The following NCOA1 variants were observed in gnomAD, a reference collection of about 807,000 sequenced individuals.
The protein encoded by NCOA1 is Hin-2 protein.
NCOA1 carries 35 observed loss-of-function variants against 150.9 expected under a neutral mutation model. That is an observed-to-expected ratio of 0.23 (90% CI 0.18 to 0.31). NCOA1 has a LOEUF of 0.31. Ranked by LOEUF, NCOA1 falls within the 10% of genes least tolerant of loss-of-function variation. NCOA1 has a pLI of 1.00. For synonymous variants in NCOA1, 590 were observed against 630.0 expected (o/e 0.94, Z 0.95); for missense variants, 1,491 against 1,749.3 (o/e 0.85, Z 2.63).
intron 7 of NCOA1, among the ~76,000 whole-genome samples, chr2:24,680,904 G>A (rs56284638): frequency 0.019 from 2,847 of 152,106 alleles, 93 homozygotes; most frequent in African/African-American, 0.065. Context: ...TAAGGTAGAG[G>A]CAAATGGAAA....
At chr2:24,576,170 G>GTTTTTGTTTTTTTTTTTTTTTTT (rs1666967476) in intron 2 of NCOA1, among the ~76,000 whole-genome samples, 16 of 46,314 alleles carry the variant, frequency 3.5e-4, no homozygotes, top group African/African-American at 1.0e-3. Flanking sequence ...TTTGTTTTTT[G>GTTTTTGTTTTTTTTTTTTTTTTT]TTTTTTTTTT....
chr2:24,546,726 G>C (rs995029986), intron 1 of NCOA1, among the ~76,000 whole-genome samples: 25 of 152,310 alleles, frequency 1.6e-4, no homozygotes, highest in Middle Eastern at 3.4e-3. Flanking sequence ...GCTCAGATAG[G>C]GGATTCTTCT....
At chr2:24,493,406 T>A (rs957122891) in intron 1 of NCOA1, among the ~76,000 whole-genome samples, 10 of 152,212 alleles carry the variant, frequency 6.6e-5, no homozygotes, top group Admixed American at 4.6e-4. Flanking sequence ...TTTAGTTTGA[T>A]TTTTGTAGAT....
intron 19 of NCOA1, 139 bp from the exon 20 acceptor site, chr2:24,751,843 A>G: frequency 1.2e-6 from 1 of 824,792 alleles, no homozygotes. Flanking sequence ...ATATTTGTAA[A>G]TATATTGCCT....
At chr2:24,744,672 C>T (rs1421498158) in intron 19 of NCOA1, among the ~76,000 whole-genome samples, 7 of 152,216 alleles carry the variant, frequency 4.6e-5, no homozygotes, top group Admixed American at 4.6e-4. Context: ...CCTAAGAAAT[C>T]GGCCATACAA....
At chr2:24,726,137 T>C (rs1033728403) in intron 14 of NCOA1, among the ~76,000 whole-genome samples, 1 of 152,188 alleles carries the variant, frequency 6.6e-6, no homozygotes, top group Non-Finnish European at 1.5e-5. Flanking sequence ...GCTGTGTTCA[T>C]TTGCTGCATG....
At chr2:24,533,026 C>T (rs375517768) in intron 1 of NCOA1, among the ~76,000 whole-genome samples, 1 of 152,034 alleles carries the variant, frequency 6.6e-6, no homozygotes, top group African/African-American at 2.4e-5. Context: ...GCATTGAATC[C>T]ATAAATTACC....
intron 21 of NCOA1, among the ~76,000 whole-genome samples, chr2:24,761,310 G>A (rs1664784333): frequency 1.3e-5 from 2 of 152,164 alleles, no homozygotes; most frequent in African/African-American, 4.8e-5. Flanking sequence ...ATGAGGTTCA[G>A]TTATTTTTTT....
In NCOA1 at chr2:24,576,149, G is replaced by GTTTTTTTTTT. The variant is rs1183405187; in HGVS notation, c.-259-8323_-259-8314dup. 2.1e-3 allele frequency among the ~76,000 whole-genome samples: 195 copies of GTTTTTTTTTT among 93,966 alleles called. 11 individuals carry two copies. Among genetic ancestry groups the GTTTTTTTTTT allele is most frequent in the Non-Finnish European group, 2.7e-3 (133 of 48,836 alleles). 61.6% of individuals were successfully genotyped at this position (93,966 alleles called of 152,430 possible). A position where few individuals can be genotyped will look rare whatever the true frequency, so the allele number is the denominator to read the frequency against. ...GAGTTTCAGAAATTATTTGGCCTTT[G>GTTTTTTTTTT]TTTTTTTTTTTTTGTTTTTTGTTTT... On this transcript the variant is annotated intron_variant, in intron 2 of 22. Coordinates refer to ENST00000348332, the MANE Select transcript of NCOA1 (RefSeq NM_003743.5).
At chr2:24,623,101 AC>A (rs963727426) in intron 3 of NCOA1, among the ~76,000 whole-genome samples, 1 of 152,234 alleles carries the variant, frequency 6.6e-6, no homozygotes, top group African/African-American at 2.4e-5. Context: ...CAACCAGTAT[AC>A]TTTTCTTGGA....
chr2:24,700,499 T>C (rs983991399), intron 11 of NCOA1, among the ~76,000 whole-genome samples: 4 of 152,346 alleles, frequency 2.6e-5, no homozygotes, highest in African/African-American at 9.6e-5. Context: ...AGTCAGCTCA[T>C]GAACTGCTGT....
At chr2:24,711,927 C>T (rs1376060693) in intron 14 of NCOA1, among the ~76,000 whole-genome samples, 1 of 152,200 alleles carries the variant, frequency 6.6e-6, no homozygotes, top group Non-Finnish European at 1.5e-5. Context: ...TTAGTTCTAT[C>T]CCTTTTCTGA....
intron 3 of NCOA1, among the ~76,000 whole-genome samples, chr2:24,634,459 T>G (rs1443864826): frequency 2.0e-5 from 3 of 152,226 alleles, no homozygotes; most frequent in Non-Finnish European, 4.4e-5. Context: ...TTAGGTACAT[T>G]ATAGGTACTC....
chr2:24,591,413 T>C lies in NCOA1; in HGVS notation c.-175+6853T>C, dbSNP rs1451548518. Reference sequence around the variant, plus strand: ...CCTCCCCTGCAAACTAGGAAAAAATTGTATCTTTCTTATAGATTGTTCTAA... The same window carrying C: ...CCTCCCCTGCAAACTAGGAAAAAATCGTATCTTTCTTATAGATTGTTCTAA... On this transcript the variant is annotated intron_variant, in intron 3 of 22. Coordinates refer to ENST00000348332, the MANE Select transcript of NCOA1 (RefSeq NM_003743.5). Among the ~76,000 whole-genome samples the C allele has an allele frequency of 3.9e-5, 6 of 152,178 alleles. No homozygotes were observed. The South Asian group carries it at 1.2e-3, about 32-fold the overall frequency.
intron 14 of NCOA1, among the ~76,000 whole-genome samples, chr2:24,719,211 C>T (rs1472224905): frequency 1.3e-5 from 2 of 151,926 alleles, no homozygotes; most frequent in Admixed American, 6.6e-5. Flanking sequence ...CATATATATT[C>T]AGATTTTTTT....
intron 1 of NCOA1, among the ~76,000 whole-genome samples, chr2:24,563,642 C>T (rs1186351216): frequency 2.0e-5 from 3 of 151,992 alleles, no homozygotes; most frequent in Non-Finnish European, 4.4e-5. Context: ...CTCAGCCTCC[C>T]GAGTAGCTGG....
Position 24,650,328 on chromosome 2 carries a change from T to C in NCOA1, c.-18+6206T>C, listed in dbSNP as rs548897796. ...GGAGGCATGCAAAGAAACAAAAATA[T>C]TTGGCCCATATACAGGAAAAATAAC... On this transcript the variant is annotated intron_variant, in intron 4 of 22. Coordinates refer to ENST00000348332, the MANE Select transcript of NCOA1 (RefSeq NM_003743.5). Among the ~76,000 whole-genome samples, 220 of 152,260 alleles carry C rather than the reference T, an allele frequency of 1.4e-3. 1 individual carries two copies. Among genetic ancestry groups the C allele is most frequent in the African/African-American group, 5.1e-3 (211 of 41,536 alleles).
At chr2:24,648,155 G>A (rs1408594534) in intron 4 of NCOA1, among the ~76,000 whole-genome samples, 1 of 151,798 alleles carries the variant, frequency 6.6e-6, no homozygotes, top group Non-Finnish European at 1.5e-5. Flanking sequence ...ATTTTTCAGT[G>A]GATATCAATA....
intron 3 of NCOA1, among the ~76,000 whole-genome samples, chr2:24,633,394 A>G (rs905854222): frequency 8.5e-5 from 13 of 152,156 alleles, no homozygotes; most frequent in African/African-American, 2.7e-4. Context: ...AAGTAAATAT[A>G]CTAGTGCAGG....
Sources: allele counts gnomAD v4.1 joint callset (sites outside exome capture counted in the v4.1 genomes callset), GRCh38; gene constraint gnomAD v4.1.1; transcripts MANE v1.5; gene names NCBI Gene and HGNC (gene_info 2026-07-23, HGNC 2026-07-21).